The following STK3 variants were observed in gnomAD, a reference collection of about 807,000 sequenced individuals.
STK3 encodes serine/threonine kinase 3.
In STK3, 41 loss-of-function variants were observed where a neutral mutation model predicts 58.0. That is an observed-to-expected ratio of 0.71 (90% CI 0.55 to 0.92). STK3 has a LOEUF of 0.92. STK3 is among the 40% of genes least tolerant of loss of function. The pLI, the probability that STK3 is intolerant of heterozygous loss-of-function variation, is 0.00. For missense variants in STK3, 479 were observed against 602.7 expected (o/e 0.79, Z 2.15); for synonymous variants, 170 against 191.0 (o/e 0.89, Z 0.91).
intron 9 of STK3, among the ~76,000 whole-genome samples, chr8:98,545,893 G>T (rs1006542330): frequency 6.6e-6 from 1 of 152,068 alleles, no homozygotes; most frequent in Non-Finnish European, 1.5e-5. Context: ...ATAATTATAT[G>T]GTTTCAGAAA....
At chr8:98,448,537 G>T (rs1020533528) in intron 1 of STK3, among the ~76,000 whole-genome samples, 1 of 152,098 alleles carries the variant, frequency 6.6e-6, no homozygotes, top group African/African-American at 2.4e-5. Context: ...TAACATGGTC[G>T]GTATACACTG....
intron 6 of STK3, among the ~76,000 whole-genome samples, chr8:98,625,121 T>C (rs1006310983): frequency 6.6e-6 from 1 of 152,058 alleles, no homozygotes; most frequent in Admixed American, 6.5e-5. Flanking sequence ...CAGAGAAACA[T>C]AACAAAAAAA....
the STK3 span, among the ~76,000 whole-genome samples, chr8:98,346,680 C>A: frequency 6.6e-6 from 1 of 151,724 alleles, no homozygotes; most frequent in Non-Finnish European, 1.5e-5. Context: ...ACAGTTGTAT[C>A]AATCTAGAAT....
At position 98,656,166 on chromosome 8, in the gene STK3, T is replaced by C. The variant is rs934396464; in HGVS notation, c.684+50301A>G. Among the ~76,000 whole-genome samples the C allele has an allele frequency of 2.6e-5, 4 of 152,196 alleles. 1 individual carries two copies. The highest frequency in any genetic ancestry group is 2.6e-4 in the Admixed American group (4 of 15,280). ...AATGATATGCAGCCATAAAAAATGA[T>C]GAGTTCATGTCCTTTGTAGGGACAT... On this transcript the variant is annotated intron_variant, in intron 6 of 10. Transcript: ENST00000419617.
chr8:98,635,784 A>T (rs1167494264), intron 6 of STK3, among the ~76,000 whole-genome samples: 10 of 152,136 alleles, frequency 6.6e-5, no homozygotes, highest in Admixed American at 6.6e-4. Context: ...CTATATAAAT[A>T]TGTACATATA....
intron 6 of STK3, among the ~76,000 whole-genome samples, chr8:98,650,333 A>C (rs1306266477): frequency 1.3e-5 from 2 of 152,268 alleles, no homozygotes; most frequent in Non-Finnish European, 2.9e-5. Flanking sequence ...TAAAATGTTT[A>C]CTTTTGAAGA....
Position 98,621,897 on chromosome 8 carries a change from CT to C in STK3, c.685-25729del, listed in dbSNP as rs1468045880. 1.6e-4 allele frequency among the ~76,000 whole-genome samples: 24 copies of C among 151,846 alleles called. No individual in the cohort carries two copies. In the East Asian group the frequency reaches 3.5e-3, roughly 22 times the overall value. On this transcript the variant is annotated intron_variant, in intron 6 of 10. Coordinates refer to ENST00000419617, the MANE Select transcript of STK3 (RefSeq NM_006281.4). ...CAGATTGTGGACACATGAGAAAAAC[CT>C]TCTTGTTGCAAGTAAAATATATCTG...
chr8:98,756,256 A>G (rs1830282828), intron 3 of STK3, among the ~76,000 whole-genome samples: 1 of 152,260 alleles, frequency 6.6e-6, no homozygotes, highest in Non-Finnish European at 1.5e-5. Flanking sequence ...CTCCAAGGGA[A>G]TAATATTTAA....
At chr8:98,791,283 A>G (rs1343780777) in intron 1 of STK3, among the ~76,000 whole-genome samples, 1 of 152,206 alleles carries the variant, frequency 6.6e-6, no homozygotes, top group East Asian at 1.9e-4. Flanking sequence ...AGACCTCTAC[A>G]ATGAAAACTA....
chr8:98,557,693 G>A (rs1019273406), intron 8 of STK3, among the ~76,000 whole-genome samples: 8 of 152,058 alleles, frequency 5.3e-5, no homozygotes, highest in Admixed American at 5.2e-4. Context: ...AGAATTAATT[G>A]TCTTCTCACT....
chr8:98,696,371 T>A (rs1035342684), intron 6 of STK3, among the ~76,000 whole-genome samples: 24 of 151,766 alleles, frequency 1.6e-4, no homozygotes, highest in Non-Finnish European at 2.8e-4. Context: ...CTAATTGCCC[T>A]GGCCAGAACT....
upstream of STK3, among the ~76,000 whole-genome samples, chr8:98,389,731 TG>T (rs1378359589): frequency 6.7e-6 from 1 of 150,080 alleles, no homozygotes; most frequent in African/African-American, 2.5e-5. Context: ...GAACTCTGAT[TG>T]GTCTGGCTTG....
At chr8:98,586,756 T>C (rs1323874616) in intron 7 of STK3, among the ~76,000 whole-genome samples, 1 of 152,080 alleles carries the variant, frequency 6.6e-6, no homozygotes, top group Admixed American at 6.5e-5. Flanking sequence ...AAGCTATTGA[T>C]TATTGCCACA....
chr8:98,498,730 T>C (rs967279486), intron 10 of STK3, among the ~76,000 whole-genome samples: 5 of 152,184 alleles, frequency 3.3e-5, no homozygotes, highest in African/African-American at 1.2e-4. Flanking sequence ...TTTCTTCTCT[T>C]GGCTTCCAGA....
intron 3 of STK3, among the ~76,000 whole-genome samples, chr8:98,422,204 TA>T (rs755614417): frequency 5.3e-5 from 8 of 152,210 alleles, no homozygotes; most frequent in Non-Finnish European, 1.0e-4. Context: ...AAAAGCCATA[TA>T]AACATTTACT....
At chr8:98,390,424 T>C (rs1341550182), upstream of STK3, among the ~76,000 whole-genome samples, 1 of 152,198 alleles carries the variant, frequency 6.6e-6, no homozygotes, top group Non-Finnish European at 1.5e-5. Context: ...ATAAGTAGTA[T>C]GTTGTTTTTC....
chr8:98,527,352 T>C (rs894363694), intron 9 of STK3, among the ~76,000 whole-genome samples: 4 of 152,116 alleles, frequency 2.6e-5, no homozygotes, highest in Non-Finnish European at 2.9e-5. Context: ...TGGCTAGGCA[T>C]GGTGGCCTGT....
At chr8:98,522,244 T>C (rs1825418636) in intron 10 of STK3, among the ~76,000 whole-genome samples, 1 of 152,184 alleles carries the variant, frequency 6.6e-6, no homozygotes, top group South Asian at 2.1e-4. Context: ...AATCTGAAAG[T>C]AGAGTACTGC....
intron 1 of STK3, chr8:98,782,698 A>G (rs1277058550): frequency 1.3e-5 from 2 of 154,482 alleles, no homozygotes; most frequent in East Asian, 3.8e-4. Context: ...AAATAAAACA[A>G]GCCTTTATCT....
Sources: allele counts gnomAD v4.1 joint callset (sites outside exome capture counted in the v4.1 genomes callset), GRCh38; gene constraint gnomAD v4.1.1; transcripts MANE v1.5; gene names NCBI Gene and HGNC (gene_info 2026-07-23, HGNC 2026-07-21).